Variants in GGA1 observed in about 807,000 individuals in gnomAD.
GGA1 encodes golgi associated, gamma adaptin ear containing, ARF binding protein 1.
GGA1 carries 18 observed loss-of-function variants against 76.9 expected under a neutral mutation model. The observed-to-expected ratio is 0.23, with a 90% CI of 0.16 to 0.35. GGA1 has a LOEUF of 0.35. Ranked by LOEUF, GGA1 falls within the 10% of genes least tolerant of loss-of-function variation. The pLI is 1.00. For missense variants in GGA1, 755 were observed against 859.0 expected (o/e 0.88, Z 1.51); for synonymous variants, 342 against 354.7 (o/e 0.96, Z 0.40).
At chr22:37,627,701 C>G (rs2145980255) in intron 11 of GGA1, among the ~76,000 whole-genome samples, 1 of 152,366 alleles carries the variant, frequency 6.6e-6, no homozygotes, top group African/African-American at 2.4e-5. Flanking sequence ...CCGCACTGCA[C>G]TGGCATAGTT....
chr22:37,620,104 C>A, intron 4 of GGA1, 134 bp from the exon 5 acceptor site: 1 of 907,842 alleles, frequency 1.1e-6, no homozygotes, highest in Non-Finnish European at 1.8e-6. Context: ...GCTGGTTGGG[C>A]GGGGCTATGA....
At chr22:37,618,626 C>A in intron 4 of GGA1, 80 bp downstream of exon 4, 2 of 853,728 alleles carry the variant, frequency 2.3e-6, no homozygotes, top group South Asian at 2.8e-5. Context: ...TGTGGAGCGA[C>A]TTTTCCAGGG....
rs777465269 is a variant in GGA1, at chr22:37,608,900, A to G, written c.40A>G (p.Ile14Val). ...AMEPETLEAR[I>V]NRATNPLNKE... ...GGAGCCGGAGACTCTGGAGGCGCGA[A>G]TCAGTGAGTGTCCGGGAGGGGCGCG... is the stretch of plus-strand genomic sequence containing the variant. The change falls in exon 1 of 17, where the codon ATC becomes GTC. Residue 14 changes from isoleucine (I) to valine (V), a missense_variant. By Grantham distance (29) the Ile-to-Val change is conservative. Transcript: ENST00000343632. 1.1e-4 allele frequency: 151 copies of G among 1,314,290 alleles called. No individual in the cohort carries two copies. The highest frequency in any genetic ancestry group is 1.4e-4 in the Non-Finnish European group (149 of 1,031,534). The allele number at this position is 1,314,290 out of a possible 1,614,324, so 81.4% of individuals were successfully genotyped here. A position where few individuals can be genotyped will look rare whatever the true frequency, so the allele number is the denominator to read the frequency against.
chr22:37,625,950 G>A lies in GGA1; in HGVS notation c.1093+1G>A. The A allele has an allele frequency of 6.3e-7, 1 of 1,589,870 alleles. No individual in the cohort carries two copies. ...CTTGACGACGAGCTCATGTCTCTGG[G>A]TGAGGAAGGGGCCAGGCCTGGAGGA... On this transcript the variant is annotated splice_donor_variant, in intron 11 of 16. Transcript: ENST00000343632. LOFTEE classifies it high-confidence loss of function. The surrounding 1 kb of genome is among the most constrained non-coding windows in gnomAD (Gnocchi z 4.1).
At chr22:37,612,899 T>C (rs780031829) in intron 1 of GGA1, 35 of 984,744 alleles carry the variant, frequency 3.6e-5, no homozygotes, top group Non-Finnish European at 4.2e-5. Context: ...TGTCTGGTCG[T>C]GTTTACACCA....
At chr22:37,629,346 C>T (rs1217708075) in intron 11 of GGA1, 116 bp from the exon 12 acceptor site, 2 of 693,606 alleles carry the variant, frequency 2.9e-6, no homozygotes, top group Non-Finnish European at 4.9e-6. Context: ...TTCTCCCCTC[C>T]GTGCTGAGCC....
chr22:37,612,329 G>A (rs1361720062), intron 1 of GGA1, among the ~76,000 whole-genome samples: 23 of 148,896 alleles, frequency 1.5e-4, no homozygotes, highest in East Asian at 9.8e-4. Flanking sequence ...AAAATTAGCC[G>A]GGCGTGGTGG....
At chr22:37,622,306 C>G (rs1036727211) in intron 7 of GGA1, among the ~76,000 whole-genome samples, 3 of 152,186 alleles carry the variant, frequency 2.0e-5, no homozygotes, top group African/African-American at 7.2e-5. Context: ...GTCTGGAACT[C>G]CTGGGCTCAA....
intron 2 of GGA1, 54 bp from the exon 3 acceptor site, chr22:37,616,868 A>G: frequency 6.5e-7 from 1 of 1,532,998 alleles, no homozygotes; most frequent in Non-Finnish European, 8.8e-7. Context: ...TCGTGGCCCT[A>G]GGGTGACCGG....
chr22:37,618,122 C>CAAAA (rs35958963), intron 3 of GGA1: 3 of 93,980 alleles, frequency 3.2e-5, no homozygotes, highest in Non-Finnish European at 6.3e-5. Context: ...AACTCTGTCT[C>CAAAA]AAAAAAAAAA....
intron 13 of GGA1, chr22:37,630,573 T>G: frequency 2.3e-6 from 1 of 439,094 alleles, no homozygotes; most frequent in Non-Finnish European, 4.0e-6. Context: ...AAGAATCACT[T>G]TTTCTTTTTT....
At chr22:37,617,245 G>T in intron 3 of GGA1, 5 of 1,368,228 alleles carry the variant, frequency 3.7e-6, no homozygotes, top group Non-Finnish European at 3.7e-6. Flanking sequence ...TGGTCCAGGG[G>T]TTCTTTGCTT....
intron 11 of GGA1, 115 bp from the exon 12 acceptor site, chr22:37,629,347 G>C: frequency 1.4e-6 from 1 of 703,954 alleles, no homozygotes; most frequent in Admixed American, 2.9e-5. Context: ...TCTCCCCTCC[G>C]TGCTGAGCCT....
Position 37,624,511 on chromosome 22 carries a change from A to T in GGA1, c.833-458A>T, listed in dbSNP as rs1601541161. 3 of 152,736 alleles carry T rather than the reference A, an allele frequency of 2.0e-5. No individual in the cohort carries two copies. The highest frequency in any genetic ancestry group is 4.1e-4 in the South Asian group (2 of 4,892). The allele number at this position is 152,736 out of a possible 1,614,324, so 9.5% of individuals were successfully genotyped here. Reference sequence around the variant, plus strand: ...TCATGGTAGTTTAGTGAGAGGAGACAGACAATAACCAAGTCCATGAGCACC... The same window carrying T: ...TCATGGTAGTTTAGTGAGAGGAGACTGACAATAACCAAGTCCATGAGCACC... On this transcript the variant is annotated intron_variant, in intron 9 of 16. Coordinates refer to ENST00000343632, the MANE Select transcript of GGA1 (RefSeq NM_013365.5). This position sits in a 1 kb window ranked among gnomAD's most constrained non-coding sequence, Gnocchi z 4.3.
At chr22:37,618,567 C>T in intron 4 of GGA1, 21 bp downstream of exon 4, 4 of 1,437,284 alleles carry the variant, frequency 2.8e-6, no homozygotes, top group Non-Finnish European at 3.9e-6. Context: ...CCAGCCCAAG[C>T]TCAGACCTGC....
At chr22:37,611,614 C>A (rs1927600808) in intron 1 of GGA1, among the ~76,000 whole-genome samples, 1 of 152,146 alleles carries the variant, frequency 6.6e-6, no homozygotes, top group Admixed American at 6.5e-5. Context: ...GGCTTTGGGC[C>A]CCCTGCCATA....
At position 37,617,003 on chromosome 22, in the gene GGA1, A is replaced by C; in HGVS notation, c.204+6A>C. The C allele has an allele frequency of 6.2e-7, 1 of 1,600,338 alleles. No homozygotes were observed. Among genetic ancestry groups the C allele is most frequent in the Non-Finnish European group, 8.5e-7 (1 of 1,173,566 alleles). ...AGGCGATCCAGGCCTTGACGGTGAG[A>C]AGGGGAGAGGCCACCATCCGTCCCC... On this transcript the variant is annotated splice_donor_region_variant and intron_variant, in intron 3 of 16. Coordinates refer to ENST00000343632, the MANE Select transcript of GGA1 (RefSeq NM_013365.5).
In GGA1 at chr22:37,625,441, G is replaced by C. The variant is rs987826297; in HGVS notation, c.941-356G>C. On this transcript the variant is annotated intron_variant, in intron 10 of 16. Transcript: ENST00000343632. This position sits in a 1 kb window ranked among gnomAD's most constrained non-coding sequence, Gnocchi z 4.1. ...AACATTACAGACTCAGGTCTAATAA[G>C]GGTAAGATGGCAGCCTTGGGGGGTC... Among the ~76,000 whole-genome samples, 4 of 152,142 alleles carry C rather than the reference G, an allele frequency of 2.6e-5. No homozygotes were observed. Among genetic ancestry groups the C allele is most frequent in the Non-Finnish European group, 4.4e-5 (3 of 68,026 alleles).
In GGA1 at chr22:37,632,838, C is replaced by G; in HGVS notation, c.*127C>G. The G allele has an allele frequency of 1.5e-6, 1 of 653,588 alleles. No individual in the cohort carries two copies. The highest frequency in any genetic ancestry group is 2.8e-6 in the Non-Finnish European group (1 of 358,456). The allele number at this position is 653,588 out of a possible 1,614,324, so 40.5% of individuals were successfully genotyped here. A position where few individuals can be genotyped will look rare whatever the true frequency, so the allele number is the denominator to read the frequency against. Reference sequence around the variant, plus strand: ...TCACCCCCAGGCCTGGTGCTTCTCCCCACACCCCTGTAGGCCTCAAGTGAC... The same window carrying G: ...TCACCCCCAGGCCTGGTGCTTCTCCGCACACCCCTGTAGGCCTCAAGTGAC... On this transcript the variant is annotated 3_prime_UTR_variant, in exon 17 of 17. Transcript: ENST00000343632. The surrounding 1 kb of genome is among the most constrained non-coding windows in gnomAD (Gnocchi z 5.1).
Sources: allele counts gnomAD v4.1 joint callset (sites outside exome capture counted in the v4.1 genomes callset), GRCh38; gene constraint gnomAD v4.1.1; non-coding constraint Gnocchi (gnomAD v3.1); transcripts MANE v1.5; gene names NCBI Gene and HGNC (gene_info 2026-07-23, HGNC 2026-07-21).